The following SEC16A variants were observed in gnomAD, a reference collection of about 807,000 sequenced individuals.
SEC16A encodes the protein protein transport protein Sec16A.
Under a neutral mutation model 221.9 loss-of-function variants are expected in SEC16A, and 110 were observed. That is an observed-to-expected ratio of 0.50 (90% CI 0.42 to 0.58). SEC16A has a LOEUF of 0.58. Among genes scored for constraint, SEC16A ranks in the 20% least tolerant of loss-of-function variants. The probability of loss-of-function intolerance (pLI) is 0.00; values close to 1 mark genes in which losing one functional copy is unlikely to be tolerated. For missense variants in SEC16A, 3,165 were observed against 3,097.8 expected (o/e 1.02, Z -0.52); for synonymous variants, 1,393 against 1,257.7 (o/e 1.11, Z -2.28).
chr9:136,451,460 G>T, intron 22 of SEC16A, 52 bp from the exon 23 acceptor site: 1 of 1,527,136 alleles, frequency 6.5e-7, no homozygotes, highest in Non-Finnish European at 8.8e-7. Context: ...CACAGGAACC[G>T]AAAGAGAGAG....
chr9:136,460,184 C>G (rs967970498), intron 13 of SEC16A, 61 bp from the exon 14 acceptor site: 1 of 1,372,818 alleles, frequency 7.3e-7, no homozygotes, highest in African/African-American at 1.4e-5. Flanking sequence ...AAAAGCCGGC[C>G]GGACATGATG....
At chr9:136,484,570 G>A (rs761451105), upstream of SEC16A, 2 of 1,330,026 alleles carry the variant, frequency 1.5e-6, no homozygotes, top group African/African-American at 3.0e-5. Context: ...TGGCATCGCG[G>A]GAGGCTGAGC....
At chr9:136,454,805 T>C (rs1838375737) in intron 20 of SEC16A, among the ~76,000 whole-genome samples, 1 of 152,110 alleles carries the variant, frequency 6.6e-6, no homozygotes, top group Non-Finnish European at 1.5e-5. Flanking sequence ...TCGGGACAGA[T>C]GAACTGAGTA....
At chr9:136,463,646 G>C in intron 10 of SEC16A, 33 bp downstream of exon 10, 1 of 1,613,610 alleles carries the variant, frequency 6.2e-7, no homozygotes, top group Non-Finnish European at 8.5e-7. Context: ...GCAAGGCCGG[G>C]CTCACAAAGA....
At position 136,467,081 on chromosome 9, in the gene SEC16A, G is replaced by C; in HGVS notation, c.3805C>G (p.Pro1269Ala). The change falls in exon 6 of 32, where the codon CCA (proline) becomes GCA (alanine). Residue 1269 changes from proline (P) to alanine (A), a missense_variant and splice_region_variant. Physicochemically the swap from Pro to Ala is conservative, Grantham distance 27. Transcript: ENST00000684901. ...YYSSQYDYGD[P>A]GHWDRYHYSA... ...TAGTGGTAACGATCCCAGTGACCTG[G>C]ATCTGTGAGCAAGGAATTAATGATT... The C allele has an allele frequency of 6.2e-7, 1 of 1,612,994 alleles. No homozygotes were observed.
Position 136,477,044 on chromosome 9 carries a change from G to A in SEC16A, c.572C>T (p.Pro191Leu). Residue 191 changes from proline to leucine, a missense_variant, in exon 3 of 32, where the codon CCA (proline) becomes CTA (leucine). Transcript: ENST00000684901. ...GLDRPLSRQN[P>L]HDGVVTPAAS... Reference sequence around the variant, plus strand: ...TGCTGGGGTGACCACACCGTCATGTGGGTTTTGCCTGCTCAGGGGTCGGTC... The same window carrying A: ...TGCTGGGGTGACCACACCGTCATGTAGGTTTTGCCTGCTCAGGGGTCGGTC... 4 of 1,613,812 alleles carry A rather than the reference G, an allele frequency of 2.5e-6. No homozygotes were observed. The highest frequency in any genetic ancestry group is 3.4e-6 in the Non-Finnish European group (4 of 1,179,892).
chr9:136,448,931 G>A, intron 23 of SEC16A: 1 of 667,136 alleles, frequency 1.5e-6, no homozygotes, highest in Non-Finnish European at 2.8e-6. Context: ...CAGTTCTGGA[G>A]ATGGATGGTG....
chr9:136,447,448 G>A lies in SEC16A; in HGVS notation c.6560-84C>T. The A allele has an allele frequency of 2.5e-6, 4 of 1,569,742 alleles. No individual in the cohort carries two copies. Among genetic ancestry groups the A allele is most frequent in the South Asian group, 2.3e-5 (2 of 86,156 alleles). ...ATGCTCTGCGCTCACTGCGTCAGAG[G>A]AAAAGCACGCAGGGACGTGCGGGAA... On this transcript the variant is annotated intron_variant, in intron 26 of 31. Coordinates refer to ENST00000684901, the MANE Select transcript of SEC16A (RefSeq NM_014866.2). This position sits in a 1 kb window ranked among gnomAD's most constrained non-coding sequence, Gnocchi z 5.5.
chr9:136,465,912 G>C (rs771778796), intron 8 of SEC16A, 50 bp downstream of exon 8: 20 of 1,557,666 alleles, frequency 1.3e-5, no homozygotes, highest in Non-Finnish European at 1.7e-5. Context: ...AGGCTGGGTG[G>C]CCGCCCCAGT....
intron 20 of SEC16A, among the ~76,000 whole-genome samples, 199 bp from the exon 21 acceptor site, chr9:136,454,526 G>A (rs997710056): frequency 6.6e-6 from 1 of 152,196 alleles, no homozygotes; most frequent in East Asian, 1.9e-4. Flanking sequence ...CAGAGTATCC[G>A]CTTCCTTTTC....
intron 17 of SEC16A, among the ~76,000 whole-genome samples, chr9:136,458,547 G>A (rs1308462385): frequency 6.6e-6 from 1 of 150,842 alleles, no homozygotes; most frequent in African/African-American, 2.4e-5. Context: ...AGAATGGCGT[G>A]AACTCAGAAA....
chr9:136,443,975 A>T (rs999819500), intron 30 of SEC16A, 75 bp from the exon 31 acceptor site: 39 of 1,022,036 alleles, frequency 3.8e-5, no homozygotes, highest in Non-Finnish European at 5.6e-5. Flanking sequence ...AGATACAGAC[A>T]CCGCTTCTGG....
chr9:136,464,623 G>C (rs926346234), intron 8 of SEC16A, 61 bp from the exon 9 acceptor site: 2 of 1,423,946 alleles, frequency 1.4e-6, no homozygotes, highest in Non-Finnish European at 9.7e-7. Flanking sequence ...TCTGAGCCTA[G>C]ATTTTCAATG....
Position 136,468,500 on chromosome 9 carries a change from A to G in SEC16A, c.3717T>C (p.Pro1239=). The G allele has an allele frequency of 6.2e-7, 1 of 1,610,236 alleles. No homozygotes were observed. The highest frequency in any genetic ancestry group is 2.2e-5 in the East Asian group (1 of 44,858). Reference sequence around the variant, plus strand: ...CACTTTTGGAACTATAGTATCCTTCAGGATATCCTTGCCTGAAAAAACACA... The same window carrying G: ...CACTTTTGGAACTATAGTATCCTTCGGGATATCCTTGCCTGAAAAAACACA... ...SERPPPRQGY[P]EGYYSSKSGW... Residue 1239 remains proline, a synonymous_variant, in exon 5 of 32, where the codon CCT becomes CCC. Coordinates refer to ENST00000684901, the MANE Select transcript of SEC16A (RefSeq NM_014866.2).
chr9:136,477,723 T>A lies in SEC16A; in HGVS notation c.-69-39A>T. On this transcript the variant is annotated intron_variant, in intron 2 of 31. Coordinates refer to ENST00000684901, the MANE Select transcript of SEC16A (RefSeq NM_014866.2). ...AGAGAAAATCAGCATAAAATCCATA[T>A]ATTCAAAGTCCTAGCTGCAATCAGG... The A allele has an allele frequency of 2.8e-6, 4 of 1,430,232 alleles. No individual in the cohort carries two copies. The South Asian group carries it at 4.5e-5, about 16-fold the overall frequency. 88.6% of individuals were successfully genotyped at this position (1,430,232 alleles called of 1,614,324 possible).
chr9:136,453,638 C>G (rs956638595), intron 21 of SEC16A, 128 bp from the exon 22 acceptor site: 12 of 719,702 alleles, frequency 1.7e-5, no homozygotes, highest in Non-Finnish European at 2.9e-5. Context: ...TCTGCAGAAA[C>G]CAAGGCTGAA....
chr9:136,483,815 C>G, upstream of SEC16A: 1 of 985,106 alleles, frequency 1.0e-6, no homozygotes, highest in Non-Finnish European at 1.2e-6. Flanking sequence ...GCGCATGCGC[C>G]GGGAGCGGCC....
upstream of SEC16A, chr9:136,484,102 T>A (rs1842732413): frequency 6.2e-6 from 1 of 161,530 alleles, no homozygotes; most frequent in South Asian, 1.7e-4. Flanking sequence ...CCCTGCGCCT[T>A]TGCTGCGCCG....
chr9:136,474,710 G>C lies in SEC16A; in HGVS notation c.2906C>G (p.Pro969Arg), dbSNP rs760929453. ...ATCAGGCACCAGGGTGCCGTGTGCAGGTGGAACTAACACCACACTTGTGCT... is the reference window on the plus strand; with the variant it reads ...ATCAGGCACCAGGGTGCCGTGTGCACGTGGAACTAACACCACACTTGTGCT... ...AGSTSVVLVP[P>R]AHGTLVPDGN... The change falls in exon 3 of 32, where the codon CCT (proline) becomes CGT (arginine). Residue 969 changes from proline to arginine, a missense_variant. Pro to Arg is a moderately radical substitution (Grantham distance 103). Transcript: ENST00000684901. 1 of 1,613,872 alleles carries C rather than the reference G, an allele frequency of 6.2e-7. No individual in the cohort carries two copies. The highest frequency in any genetic ancestry group is 8.5e-7 in the Non-Finnish European group (1 of 1,179,910).
Sources: allele counts gnomAD v4.1 joint callset (sites outside exome capture counted in the v4.1 genomes callset), GRCh38; gene constraint gnomAD v4.1.1; non-coding constraint Gnocchi (gnomAD v3.1); transcripts MANE v1.5; gene names NCBI Gene and HGNC (gene_info 2026-07-23, HGNC 2026-07-21).